The following SPG7 variants were observed in gnomAD, a reference collection of about 807,000 sequenced individuals.
SPG7 encodes the protein SPG7 matrix AAA peptidase subunit, paraplegin.
SPG7 carries 103 observed loss-of-function variants against 81.9 expected under a neutral mutation model. The ratio of observed to expected loss-of-function variants is 1.26; its 90% CI spans 1.07 to 1.48. The LOEUF is 1.48. SPG7 is among the 40% of genes most tolerant of loss of function. SPG7 has a pLI of 0.00. For synonymous variants in SPG7, 534 were observed against 444.2 expected, an observed-to-expected ratio of 1.20 and a Z score of -2.54; for missense variants, 1,241 against 1,087.3, an observed-to-expected ratio of 1.14 and a Z score of -1.99.
chr16:89,544,463 C>T (rs1339548116), intron 9 of SPG7, 185 bp from the exon 10 acceptor site: 2 of 660,298 alleles, frequency 3.0e-6, no homozygotes, highest in East Asian at 5.9e-5. Flanking sequence ...CCTGTTCCTC[C>T]TGGTGATGCT....
chr16:89,537,677 GCT>G, intron 9 of SPG7: 1 of 976,904 alleles, frequency 1.0e-6, no homozygotes, highest in Non-Finnish European at 1.2e-6. Context: ...ACCATGCCAG[GCT>G]CTGTTTTTTC....
At chr16:89,513,186 GC>G in intron 3 of SPG7, 149 bp downstream of exon 3, 1 of 1,184,458 alleles carries the variant, frequency 8.4e-7, no homozygotes, top group Non-Finnish European at 1.2e-6. Flanking sequence ...GCTTTGGGAG[GC>G]CCAGGTGGAA....
In SPG7 at chr16:89,548,230, G is replaced by C. The variant is rs1340298024; in HGVS notation, c.1663+117G>C. 109 of 734,848 alleles carry C rather than the reference G, an allele frequency of 1.5e-4. 1 individual carries two copies. The South Asian group carries it at 1.5e-3, about 10-fold the overall frequency. The allele number at this position is 734,848 out of a possible 1,614,324, so 45.5% of individuals were successfully genotyped here. A position where few individuals can be genotyped will look rare whatever the true frequency, so the allele number is the denominator to read the frequency against. ...AACCATCACACAGGAAGGAACACACGTTGCGTTTCAGTTCTGCGTAACTCA... is the reference window on the plus strand; with the variant it reads ...AACCATCACACAGGAAGGAACACACCTTGCGTTTCAGTTCTGCGTAACTCA... On this transcript the variant is annotated intron_variant, in intron 12 of 16. Coordinates refer to ENST00000645818, the MANE Select transcript of SPG7 (RefSeq NM_003119.4).
intron 11 of SPG7, 125 bp downstream of exon 11, chr16:89,546,885 A>C (rs1003815493): frequency 2.7e-5 from 20 of 727,314 alleles, no homozygotes; most frequent in Admixed American, 3.9e-5. Flanking sequence ...GCCTCTGCTC[A>C]GTACAAGCCT....
intron 10 of SPG7, 82 bp from the exon 11 acceptor site, chr16:89,546,576 C>T: frequency 2.1e-6 from 2 of 932,826 alleles, no homozygotes; most frequent in South Asian, 1.3e-5. Flanking sequence ...TGGGGACCCC[C>T]CCCCCCCACA....
chr16:89,543,875 C>G (rs2058531461), intron 9 of SPG7: 1 of 151,504 alleles, frequency 6.6e-6, no homozygotes, highest in African/African-American at 2.4e-5. Context: ...TCTTGGACTC[C>G]TGGCCTCGTG....
chr16:89,554,455 T>C, intron 15 of SPG7, 31 bp from the exon 16 acceptor site: 1 of 1,543,120 alleles, frequency 6.5e-7, no homozygotes. Flanking sequence ...GCGGCCAGCC[T>C]TGCCCCTGAC....
chr16:89,532,454 T>TC lies in SPG7; in HGVS notation c.1151-5dup. ...TGCCCATTTCCTGATTCTCTCTGTGTCCCCTCAGGCCTCGGCGCTGCCCGT... is the reference window on the plus strand; with the variant it reads ...TGCCCATTTCCTGATTCTCTCTGTGTCCCCCTCAGGCCTCGGCGCTGCCCGT... On this transcript the variant is annotated splice_polypyrimidine_tract_variant and intron_variant, in intron 8 of 16. Transcript: ENST00000645818. The TC allele has an allele frequency of 6.2e-7, 1 of 1,613,276 alleles. No homozygotes were observed. The highest frequency in any genetic ancestry group is 8.5e-7 in the Non-Finnish European group (1 of 1,179,980).
chr16:89,533,956 C>T (rs888038607), intron 9 of SPG7, among the ~76,000 whole-genome samples: 2 of 152,206 alleles, frequency 1.3e-5, no homozygotes, highest in Admixed American at 1.3e-4. Context: ...ATGGTCTCGC[C>T]TGTGAACAGC....
intron 10 of SPG7, chr16:89,545,093 T>C (rs2058546535): frequency 5.0e-6 from 2 of 400,754 alleles, no homozygotes; most frequent in African/African-American, 4.1e-5. Context: ...AGTCTGGTTT[T>C]TATAGCAAAT....
chr16:89,529,146 C>G (rs937161136), intron 5 of SPG7: 3 of 380,208 alleles, frequency 7.9e-6, no homozygotes, highest in Non-Finnish European at 1.5e-5. Flanking sequence ...CTGATCTTGC[C>G]TGCCTGATTG....
At position 89,553,151 on chromosome 16, in the gene SPG7, G is replaced by A. The variant is rs748678461; in HGVS notation, c.1936+16G>A. On this transcript the variant is annotated intron_variant, in intron 14 of 16. Transcript: ENST00000645818. ...GTCACTTCTGGTGAGGAGCAGCGGC[G>A]CGGGCCCTGGAGGTTTCAGAGCGCT... 67 of 1,585,314 alleles carry A rather than the reference G, an allele frequency of 4.2e-5. No individual in the cohort carries two copies. Among genetic ancestry groups the A allele is most frequent in the Middle Eastern group, 1.7e-4 (1 of 6,052 alleles).
In SPG7 at chr16:89,532,533, C is replaced by T. The variant is rs766681780; in HGVS notation, c.1221C>T (p.Ile407=). The T allele has an allele frequency of 6.2e-6, 10 of 1,613,648 alleles. No individual in the cohort carries two copies. The highest frequency in any genetic ancestry group is 3.3e-5 in the South Asian group (3 of 91,086). The part of the protein sequence containing the change: ...ARARAPCIVY[I]DEIDAVGKKR... ...CCCGGGCCCCCTGCATCGTCTACAT[C>T]GATGAGATCGACGCGGTGGGCAAGA... The change falls in exon 9 of 17, where the codon ATC becomes ATT. Residue 407 remains isoleucine, a synonymous_variant. Transcript: ENST00000645818.
At chr16:89,545,805 C>A in intron 10 of SPG7, 1 of 380,226 alleles carries the variant, frequency 2.6e-6, no homozygotes, top group Non-Finnish European at 5.2e-6. Flanking sequence ...CTGTGTGTGA[C>A]GTGCTTCATT....
intron 6 of SPG7, 39 bp from the exon 7 acceptor site, chr16:89,530,644 A>G (rs1357192948): frequency 6.2e-7 from 1 of 1,613,792 alleles, no homozygotes; most frequent in Non-Finnish European, 8.5e-7. Context: ...TGATTTCCTG[A>G]CTTCGCCCAG....
chr16:89,526,114 G>A (rs1438323998), intron 4 of SPG7, among the ~76,000 whole-genome samples: 1 of 152,196 alleles, frequency 6.6e-6, no homozygotes, highest in African/African-American at 2.4e-5. Flanking sequence ...AGGTCAAGGA[G>A]CTTAGTGTGC....
At chr16:89,512,878 ACTGTTGTC>A in intron 2 of SPG7, 62 bp from the exon 3 acceptor site, 2 of 1,567,218 alleles carry the variant, frequency 1.3e-6, no homozygotes, top group South Asian at 2.2e-5. Context: ...TTAGGAGTAC[ACTGTTGTC>A]CTGTATGCCT....
At chr16:89,536,892 G>T in intron 9 of SPG7, 1 of 1,614,180 alleles carries the variant, frequency 6.2e-7, no homozygotes. Context: ...CGCTCTGCTG[G>T]GGTTGCCTTT....
chr16:89,537,098 G>A (rs2058435172), intron 9 of SPG7: 1 of 1,513,194 alleles, frequency 6.6e-7, no homozygotes, highest in Non-Finnish European at 8.8e-7. Context: ...CCTTTATGCA[G>A]AGCCACAGCT....
Sources: gnomAD v4.1 joint callset for allele counts (sites outside exome capture counted in the v4.1 genomes callset) on GRCh38, gnomAD v4.1.1 for gene constraint, MANE v1.5 for transcripts, NCBI Gene and HGNC (gene_info 2026-07-23, HGNC 2026-07-21) for gene names.